Variants in ZNG1A observed in about 807,000 individuals in gnomAD.
ZNG1A encodes zinc-regulated GTPase metalloprotein activator 1A.
the ZNG1A span, chr9:154,886 A>C: frequency 7.8e-7 from 1 of 1,281,616 alleles, no homozygotes; most frequent in Non-Finnish European, 1.1e-6. Flanking sequence ...TAACAAATCA[A>C]AAATAAATAA....
At chr9:140,148 G>A in the ZNG1A span, among the ~76,000 whole-genome samples, 1 of 151,180 alleles carries the variant, frequency 6.6e-6, no homozygotes, top group Non-Finnish European at 1.5e-5. Flanking sequence ...GCTCGAACTG[G>A]GTGGAGCCCA....
chr9:148,725 TG>T, the ZNG1A span: 1 of 148,344 alleles, frequency 6.7e-6, no homozygotes, highest in Non-Finnish European at 1.5e-5. Context: ...AAGTACCTAA[TG>T]TTTTTCTTAA....
At chr9:128,675 G>GT in the ZNG1A span, among the ~76,000 whole-genome samples, 1 of 149,284 alleles carries the variant, frequency 6.7e-6, no homozygotes, top group Non-Finnish European at 1.5e-5. Context: ...TCTTTTTCAA[G>GT]TAAGTCAGGG....
chr9:133,356 T>C, the ZNG1A span, among the ~76,000 whole-genome samples: 4 of 135,140 alleles, frequency 3.0e-5, no homozygotes, highest in Non-Finnish European at 6.2e-5. Flanking sequence ...AGTGACATAG[T>C]GTCTGGAATT....
the ZNG1A span, among the ~76,000 whole-genome samples, chr9:133,938 C>T: frequency 1.4e-5 from 2 of 140,088 alleles, no homozygotes; most frequent in East Asian, 4.4e-4. Context: ...GAGACACTGG[C>T]CGCCCCAAAC....
chr9:136,834 T>A, the ZNG1A span, among the ~76,000 whole-genome samples: 2 of 151,824 alleles, frequency 1.3e-5, no homozygotes, highest in Admixed American at 6.6e-5. Context: ...GGCCAGGAGT[T>A]CAAGACGAGC....
At chr9:177,654 A>G in the ZNG1A span, 1 of 1,389,854 alleles carries the variant, frequency 7.2e-7, no homozygotes, top group Non-Finnish European at 9.8e-7. Flanking sequence ...AGATTCAGCA[A>G]CAAGGTTGCT....
chr9:136,853 C>T, the ZNG1A span, among the ~76,000 whole-genome samples: 3,827 of 151,934 alleles, frequency 0.025, 155 homozygotes, highest in African/African-American at 0.089. Flanking sequence ...GCCTGAGCAA[C>T]GTAGCGAGAG....
chr9:133,917 C>G, the ZNG1A span, among the ~76,000 whole-genome samples: 2 of 146,594 alleles, frequency 1.4e-5, no homozygotes, highest in African/African-American at 5.0e-5. Flanking sequence ...TCATTCGAGG[C>G]TCTATGGATG....
chr9:169,248 A>T, the ZNG1A span, among the ~76,000 whole-genome samples: 1 of 151,414 alleles, frequency 6.6e-6, no homozygotes, highest in Non-Finnish European at 1.5e-5. Context: ...CCAGACTTCA[A>T]TGGAGGAAAT....
At chr9:142,720 C>T in the ZNG1A span, among the ~76,000 whole-genome samples, 1 of 143,158 alleles carries the variant, frequency 7.0e-6, no homozygotes, top group African/African-American at 2.7e-5. Context: ...AATAGAGACA[C>T]AAAAAACCCT....
chr9:145,758 G>A, the ZNG1A span, among the ~76,000 whole-genome samples: 4 of 151,676 alleles, frequency 2.6e-5, no homozygotes. Flanking sequence ...AAAATAAAGT[G>A]AAGAGAGTTA....
At chr9:147,035 G>A in the ZNG1A span, 90 of 151,294 alleles carry the variant, frequency 5.9e-4, no homozygotes, top group African/African-American at 2.2e-3. Context: ...AAAATTAGCT[G>A]GGTGTGGTGG....
chr9:164,030 C>T, the ZNG1A span: 12 of 1,587,862 alleles, frequency 7.6e-6, no homozygotes, highest in East Asian at 2.2e-5. Context: ...ACATAGAAGC[C>T]ACTGCACCTG....
the ZNG1A span, among the ~76,000 whole-genome samples, chr9:141,923 C>A: frequency 8.6e-5 from 13 of 151,170 alleles, no homozygotes; most frequent in African/African-American, 3.2e-4. Context: ...TTTCAACCAA[C>A]AAAGATCAAA....
chr9:161,831 G>A, the ZNG1A span, among the ~76,000 whole-genome samples: 3 of 151,742 alleles, frequency 2.0e-5, no homozygotes, highest in African/African-American at 7.3e-5. Context: ...ACCAAGAAGC[G>A]ATGCAAGATG....
the ZNG1A span, chr9:121,435 T>C: frequency 6.4e-7 from 1 of 1,573,450 alleles, no homozygotes; most frequent in Non-Finnish European, 8.7e-7. Flanking sequence ...ATTTTTATTA[T>C]CCAATCCTTT....
At chr9:149,425 C>G in the ZNG1A span, 3 of 152,070 alleles carry the variant, frequency 2.0e-5, no homozygotes, top group African/African-American at 7.3e-5. Context: ...AAAGTTATCC[C>G]TACCCTACTC....
chr9:154,922 C>T, the ZNG1A span: 2 of 965,742 alleles, frequency 2.1e-6, no homozygotes, highest in South Asian at 1.7e-5. Context: ...ATCAATATAT[C>T]AGTTAAGAAT....
Sources: gnomAD v4.1 joint callset for allele counts (sites outside exome capture counted in the v4.1 genomes callset) on GRCh38, gnomAD v4.1.1 for gene constraint, MANE v1.5 for transcripts, NCBI Gene and HGNC (gene_info 2026-07-23, HGNC 2026-07-21) for gene names.